METTL25: variants seen among roughly 807,000 people sequenced by gnomAD.
METTL25 encodes probable methyltransferase-like protein 25.
Under a neutral mutation model 71.6 loss-of-function variants are expected in METTL25, and 64 were observed. That is an observed-to-expected ratio of 0.89 (90% CI 0.73 to 1.10). METTL25 has a LOEUF of 1.10. Ranked by LOEUF, METTL25 falls within the 50% of genes least tolerant of loss-of-function variation. METTL25 has a pLI of 0.00. For missense variants in METTL25, 807 were observed against 707.0 expected, an observed-to-expected ratio of 1.14 and a Z score of -1.60; for synonymous variants, 287 against 250.3, an observed-to-expected ratio of 1.15 and a Z score of -1.38.
intron 5 of METTL25, among the ~76,000 whole-genome samples, chr12:82,414,695 CAGAG>C (rs1040881026): frequency 6.6e-6 from 1 of 151,992 alleles, no homozygotes; most frequent in Admixed American, 6.6e-5. Flanking sequence ...AAATTCTTGT[CAGAG>C]AGTTGACAGT....
intron 1 of METTL25, among the ~76,000 whole-genome samples, chr12:82,367,328 G>A (rs560825880): frequency 1.3e-5 from 2 of 152,052 alleles, no homozygotes; most frequent in Non-Finnish European, 2.9e-5. Context: ...ATGGTTACCT[G>A]TTATCATCAT....
At chr12:82,423,945 A>C (rs1300682629) in intron 5 of METTL25, among the ~76,000 whole-genome samples, 1 of 152,212 alleles carries the variant, frequency 6.6e-6, no homozygotes. Flanking sequence ...CTGGGACTGT[A>C]AACTAGTTCA....
chr12:82,443,038 A>G (rs943720924), intron 8 of METTL25, among the ~76,000 whole-genome samples: 6 of 151,926 alleles, frequency 3.9e-5, no homozygotes, highest in Middle Eastern at 3.2e-3. Flanking sequence ...AATAGAAAAC[A>G]AAGACTAAGA....
chr12:82,430,326 C>CTT (rs1555213847), intron 5 of METTL25, among the ~76,000 whole-genome samples: 1 of 151,218 alleles, frequency 6.6e-6, no homozygotes, highest in Admixed American at 6.6e-5. Context: ...TGTTGTAAAA[C>CTT]AGGTGCAATT....
chr12:82,429,995 A>G (rs1212380053), intron 5 of METTL25, among the ~76,000 whole-genome samples: 1 of 151,468 alleles, frequency 6.6e-6, no homozygotes, highest in Admixed American at 6.6e-5. Context: ...CCCTCATGGT[A>G]CAGAAGTTTA....
rs980445007 is a variant in METTL25, at chr12:82,403,106, G to A, written c.1255G>A (p.Glu419Lys). 6.2e-7 allele frequency: 1 copy of A among 1,611,540 alleles called. No individual in the cohort carries two copies. Among genetic ancestry groups the A allele is most frequent in the African/African-American group, 1.3e-5 (1 of 74,764 alleles). The change falls in exon 5 of 12, where the codon GAA becomes AAA. Residue 419 changes from glutamate to lysine, a missense_variant. Coordinates refer to ENST00000248306, the MANE Select transcript of METTL25 (RefSeq NM_032230.3). ...SVGCCYHLLS[E>K]EFENQHKERT... ...GGGTTGTTGCTACCACCTCTTATCT[G>A]AAGAATTTGAAAACCAGCATAAAGG... is the stretch of plus-strand genomic sequence containing the variant.
In METTL25 at chr12:82,389,873, C is replaced by G; in HGVS notation, c.482C>G (p.Ala161Gly). The G allele has an allele frequency of 6.2e-7, 1 of 1,603,838 alleles. No individual in the cohort carries two copies. The highest frequency in any genetic ancestry group is 1.1e-5 in the South Asian group (1 of 90,096). The change falls in exon 3 of 12, where the codon GCA becomes GGA. Residue 161 changes from alanine (A) to glycine (G), a missense_variant. Coordinates refer to ENST00000248306, the MANE Select transcript of METTL25 (RefSeq NM_032230.3). ...MNMKKSHEVQAMSELISSIAD... is the reference protein window; with the variant it reads ...MNMKKSHEVQGMSELISSIAD... ...ATGAAGAAATCTCATGAAGTTCAGG[C>G]AATGTCAGAGCTGATCAGCAGTATT...
intron 1 of METTL25, among the ~76,000 whole-genome samples, chr12:82,376,261 T>C (rs970423292): frequency 2.4e-4 from 37 of 152,216 alleles, no homozygotes; most frequent in African/African-American, 8.9e-4. Context: ...TTTAAACTCA[T>C]ACATTCATCC....
At chr12:82,391,943 A>T (rs567316738) in intron 3 of METTL25, among the ~76,000 whole-genome samples, 24 of 151,604 alleles carry the variant, frequency 1.6e-4, no homozygotes, top group African/African-American at 5.3e-4. Context: ...ATGAGATGAT[A>T]TCTCATTATA....
intron 1 of METTL25, among the ~76,000 whole-genome samples, chr12:82,369,028 A>G (rs1349135268): frequency 1.3e-5 from 2 of 152,202 alleles, no homozygotes; most frequent in South Asian, 2.1e-4. Flanking sequence ...CTTAAACTGT[A>G]TACTTTAGCC....
chr12:82,403,299 A>G (rs1486026434), intron 5 of METTL25, among the ~76,000 whole-genome samples, 169 bp downstream of exon 5: 1 of 152,186 alleles, frequency 6.6e-6, no homozygotes, highest in Non-Finnish European at 1.5e-5. Context: ...ATTGAAATTT[A>G]ATGCATCACC....
Position 82,479,066 on chromosome 12 carries a change from C to A in METTL25, c.*42C>A. 6.5e-7 allele frequency: 1 copy of A among 1,539,756 alleles called. No individual in the cohort carries two copies. The highest frequency in any genetic ancestry group is 9.0e-7 in the Non-Finnish European group (1 of 1,114,344). On this transcript the variant is annotated 3_prime_UTR_variant, in exon 12 of 12. Transcript: ENST00000248306. ...TTATTAGATGTATTTCTCTATGAGA[C>A]CTGTTGCTGAGATTGCTTTTCTAAA...
At chr12:82,422,450 G>A (rs1313955211) in intron 5 of METTL25, among the ~76,000 whole-genome samples, 4 of 152,102 alleles carry the variant, frequency 2.6e-5, no homozygotes, top group Admixed American at 2.0e-4. Flanking sequence ...TACTGAATGG[G>A]CAAAAACTGG....
intron 1 of METTL25, among the ~76,000 whole-genome samples, chr12:82,359,303 C>CT (rs1555199049): frequency 0.01 from 1 of 98 alleles, no homozygotes; most frequent in South Asian, 0.12. Context: ...AAGGCACTAG[C>CT]TGCAGAGCCA....
intron 3 of METTL25, among the ~76,000 whole-genome samples, chr12:82,396,479 T>C (rs922614457): frequency 3.9e-5 from 6 of 152,080 alleles, no homozygotes; most frequent in Non-Finnish European, 8.8e-5. Flanking sequence ...CTCATACTTA[T>C]GTCAAGATTT....
intron 5 of METTL25, among the ~76,000 whole-genome samples, chr12:82,423,025 C>G (rs1888663175): frequency 6.6e-6 from 1 of 152,126 alleles, no homozygotes; most frequent in South Asian, 2.1e-4. Context: ...ATGACTTTCT[C>G]CACGGAATTG....
chr12:82,385,788 G>A (rs1420359197), intron 1 of METTL25, among the ~76,000 whole-genome samples: 1 of 152,146 alleles, frequency 6.6e-6, no homozygotes, highest in Non-Finnish European at 1.5e-5. Flanking sequence ...TAGTTTGATA[G>A]TAATGCTGTC....
intron 1 of METTL25, among the ~76,000 whole-genome samples, chr12:82,383,591 T>C (rs1884665695): frequency 6.6e-6 from 1 of 152,174 alleles, no homozygotes; most frequent in Non-Finnish European, 1.5e-5. Context: ...ATAGTATACA[T>C]ACAGTAAATG....
chr12:82,371,648 A>AT (rs935824095), intron 1 of METTL25, among the ~76,000 whole-genome samples: 39 of 151,736 alleles, frequency 2.6e-4, no homozygotes, highest in Non-Finnish European at 5.2e-4. Context: ...ACGCCTCCAG[A>AT]TTTTTTTCAG....
Sources: gnomAD v4.1 joint callset for allele counts (sites outside exome capture counted in the v4.1 genomes callset) on GRCh38, gnomAD v4.1.1 for gene constraint, MANE v1.5 for transcripts, NCBI Gene and HGNC (gene_info 2026-07-23, HGNC 2026-07-21) for gene names.